Variants in FLVCR1 observed in about 807,000 individuals in gnomAD.
FLVCR1 encodes choline/ethanolamine transporter FLVCR1.
Under a neutral mutation model 53.6 loss-of-function variants are expected in FLVCR1, and 34 were observed. The ratio of observed to expected loss-of-function variants is 0.63; its 90% CI spans 0.48 to 0.84. The LOEUF (loss-of-function observed/expected upper bound fraction) is 0.84, where lower values mean the gene tolerates loss of function less well. Ranked by LOEUF, FLVCR1 falls within the 40% of genes least tolerant of loss-of-function variation. FLVCR1 has a pLI of 0.00. For missense variants in FLVCR1, 677 were observed against 696.7 expected (o/e 0.97, Z 0.32); for synonymous variants, 300 against 286.3 (o/e 1.05, Z -0.48).
intron 8 of FLVCR1, among the ~76,000 whole-genome samples, chr1:212,889,899 G>C (rs966857893): frequency 1.2e-4 from 19 of 152,146 alleles, no homozygotes; most frequent in Admixed American, 5.2e-4. Flanking sequence ...ATATAATAGA[G>C]TGTTAAAGCC....
chr1:212,894,869 T>A, intron 8 of FLVCR1, 117 bp from the exon 9 acceptor site: 1 of 769,698 alleles, frequency 1.3e-6, no homozygotes, highest in Non-Finnish European at 2.4e-6. Context: ...GGGATGCTAT[T>A]AAATATCATG....
At position 212,889,205 on chromosome 1, in the gene FLVCR1, G is replaced by A; in HGVS notation, c.1473G>A (p.Lys491=). 1 of 1,613,912 alleles carries A rather than the reference G, an allele frequency of 6.2e-7. No individual in the cohort carries two copies. Among genetic ancestry groups the A allele is most frequent in the Non-Finnish European group, 8.5e-7 (1 of 1,179,918 alleles). ...AGCTCACATCAGACTATGGTCCTAA[G>A]GCAGGGAACATTTTTCTCTGTGTCT... ...QGKLTSDYGP[K]AGNIFLCVWM... The change falls in exon 8 of 10, where the codon AAG becomes AAA. Residue 491 remains lysine, a synonymous_variant. Transcript: ENST00000366971.
chr1:212,886,017 G>A (rs1455788368), intron 5 of FLVCR1, among the ~76,000 whole-genome samples: 1 of 143,522 alleles, frequency 7.0e-6, no homozygotes, highest in Non-Finnish European at 1.5e-5. Context: ...AGAAATATTT[G>A]ACTTTTGATA....
chr1:212,880,233 G>A (rs753434667), intron 3 of FLVCR1, among the ~76,000 whole-genome samples: 28 of 152,088 alleles, frequency 1.8e-4, no homozygotes, highest in African/African-American at 5.3e-4. Context: ...GTTTTTAGAC[G>A]AGCTATAGGT....
intron 4 of FLVCR1, among the ~76,000 whole-genome samples, chr1:212,883,961 C>T (rs1440293610): frequency 3.9e-5 from 6 of 152,014 alleles, no homozygotes; most frequent in African/African-American, 1.4e-4. Flanking sequence ...GAGCTCACTC[C>T]AAAACAATGG....
rs41300981 is a variant in FLVCR1 at position 212,889,068 on chromosome 1, A to G, written c.1414-78A>G. On this transcript the variant is annotated intron_variant, in intron 7 of 9. Transcript: ENST00000366971. ...AACCAAATCATATAACCAAAATAAG[A>G]AAAGTTCTGGTGAAAACTTTATACT... The G allele has an allele frequency of 7.8e-4, 838 of 1,079,544 alleles. 7 individuals carry two copies. In the African/African-American group the frequency reaches 0.011, roughly 14 times the overall value. The allele number at this position is 1,079,544 out of a possible 1,614,324, so 66.9% of individuals were successfully genotyped here.
chr1:212,861,467 A>G (rs978259999), intron 1 of FLVCR1, among the ~76,000 whole-genome samples: 1 of 152,092 alleles, frequency 6.6e-6, no homozygotes, highest in Non-Finnish European at 1.5e-5. Context: ...TTTGCTTGGG[A>G]TAGTCCAGGT....
rs373887953 is a variant in FLVCR1 at position 212,865,980 on chromosome 1, GGT to G, written c.883+2112_883+2113del. Among the ~76,000 whole-genome samples, 59 of 32,120 alleles carry G rather than the reference GGT, an allele frequency of 1.8e-3. 2 individuals are homozygous for G. The highest frequency in any genetic ancestry group is 0.023 in the East Asian group (2 of 88). The allele number at this position is 32,120 out of a possible 152,430, so 21.1% of individuals were successfully genotyped here. A position where few individuals can be genotyped will look rare whatever the true frequency, so the allele number is the denominator to read the frequency against. ...GGCATTTGGCTAATTTTTGGGGTTT[GGT>G]TTTTTTTTTTTTTTTTTTTTGAGAC... is the stretch of plus-strand genomic sequence containing the variant. On this transcript the variant is annotated intron_variant, in intron 2 of 9. Transcript: ENST00000366971.
intron 3 of FLVCR1, among the ~76,000 whole-genome samples, chr1:212,874,246 T>C (rs1448876300): frequency 1.3e-5 from 2 of 152,014 alleles, no homozygotes; most frequent in Non-Finnish European, 2.9e-5. Flanking sequence ...TGACCACAGG[T>C]GATCTGCCCG....
chr1:212,895,202 G>C lies in FLVCR1; in HGVS notation c.1594-14G>C. The C allele has an allele frequency of 6.3e-7, 1 of 1,598,510 alleles. No individual in the cohort carries two copies. Among genetic ancestry groups the C allele is most frequent in the Non-Finnish European group, 8.6e-7 (1 of 1,165,826 alleles). On this transcript the variant is annotated splice_polypyrimidine_tract_variant and intron_variant, in intron 9 of 9. Coordinates refer to ENST00000366971, the MANE Select transcript of FLVCR1 (RefSeq NM_014053.4). ...AGATGCTATACATTTTTAATCTTCT[G>C]ATTGTTTTTATAGATACCAGCTGAC...
chr1:212,878,435 C>T (rs1229846707), intron 3 of FLVCR1, among the ~76,000 whole-genome samples: 2 of 150,332 alleles, frequency 1.3e-5, no homozygotes, highest in East Asian at 2.0e-4. Context: ...CTGAGAGGTC[C>T]GCCTCTCAGT....
At chr1:212,882,938 C>T (rs2102563158) in intron 3 of FLVCR1, among the ~76,000 whole-genome samples, 1 of 152,218 alleles carries the variant, frequency 6.6e-6, no homozygotes, top group East Asian at 1.9e-4. Flanking sequence ...TATGAATTTT[C>T]AGTAAGTCTT....
Position 212,888,519 on chromosome 1 carries a change from T to C in FLVCR1, c.1338T>C (p.Gly446=). 6.2e-7 allele frequency: 1 copy of C among 1,613,758 alleles called. No individual in the cohort carries two copies. The highest frequency in any genetic ancestry group is 8.5e-7 in the Non-Finnish European group (1 of 1,179,752). ...GFFMTGYLPL[G]FEFAVEITYP... ...TCATGACTGGTTACCTCCCTTTGGGTTTTGAATTTGCTGTTGAAATCACTT... is the reference window on the plus strand; with the variant it reads ...TCATGACTGGTTACCTCCCTTTGGGCTTTGAATTTGCTGTTGAAATCACTT... Residue 446 remains glycine (G), a synonymous_variant, in exon 7 of 10, where the codon GGT becomes GGC. Coordinates refer to ENST00000366971, the MANE Select transcript of FLVCR1 (RefSeq NM_014053.4).
At chr1:212,879,384 C>G (rs1013520694) in intron 3 of FLVCR1, among the ~76,000 whole-genome samples, 19 of 152,112 alleles carry the variant, frequency 1.2e-4, no homozygotes, top group Admixed American at 3.9e-4. Flanking sequence ...CCCTGTCCCC[C>G]TCCGTGCCTA....
chr1:212,878,804 T>C (rs939804660), intron 3 of FLVCR1, among the ~76,000 whole-genome samples: 27 of 151,922 alleles, frequency 1.8e-4, no homozygotes, highest in African/African-American at 5.6e-4. Context: ...TCCTAGGCAA[T>C]GTGGCAAAAC....
intron 8 of FLVCR1, among the ~76,000 whole-genome samples, chr1:212,893,686 ACAT>A (rs1394472270): frequency 1.8e-4 from 28 of 152,350 alleles, no homozygotes; most frequent in Admixed American, 1.3e-3. Context: ...GCAGCCATCA[ACAT>A]CAAGGCAAGA....
chr1:212,885,123 T>C (rs977510773), intron 4 of FLVCR1, among the ~76,000 whole-genome samples, 170 bp from the exon 5 acceptor site: 11 of 152,244 alleles, frequency 7.2e-5, no homozygotes, highest in African/African-American at 2.7e-4. Flanking sequence ...TGCTTTTATA[T>C]ATTCTTTACC....
At chr1:212,892,740 C>G (rs932802145) in intron 8 of FLVCR1, among the ~76,000 whole-genome samples, 4 of 152,142 alleles carry the variant, frequency 2.6e-5, no homozygotes, top group African/African-American at 9.7e-5. Flanking sequence ...AAGGCTGTAG[C>G]TGCCAGAAAT....
chr1:212,879,399 G>GAT (rs891563824), intron 3 of FLVCR1, among the ~76,000 whole-genome samples: 27 of 152,082 alleles, frequency 1.8e-4, no homozygotes, highest in Admixed American at 1.8e-3. Context: ...TGCCTAATAT[G>GAT]ATATATATAA....
Sources: gnomAD v4.1 joint callset for allele counts (sites outside exome capture counted in the v4.1 genomes callset) on GRCh38, gnomAD v4.1.1 for gene constraint, MANE v1.5 for transcripts, NCBI Gene and HGNC (gene_info 2026-07-23, HGNC 2026-07-21) for gene names.